The following HDAC4 variants were observed in gnomAD, a reference collection of about 807,000 sequenced individuals.
HDAC4 encodes the protein histone deacetylase 4, also known as histone deacetylase A.
HDAC4 carries 16 observed loss-of-function variants against 135.1 expected under a neutral mutation model. That is an observed-to-expected ratio of 0.12 (90% CI 0.08 to 0.18). The LOEUF is 0.18. Among genes scored for constraint, HDAC4 ranks in the 10% least tolerant of loss-of-function variants. HDAC4 has a pLI of 1.00. For missense variants in HDAC4, 1,143 were observed against 1,511.8 expected (o/e 0.76, Z 4.05); for synonymous variants, 685 against 653.4 (o/e 1.05, Z -0.74).
chr2:239,174,541 T>C (rs2043637806), intron 5 of HDAC4, among the ~76,000 whole-genome samples: 1 of 152,212 alleles, frequency 6.6e-6, no homozygotes, highest in Non-Finnish European at 1.5e-5. Flanking sequence ...CCCCTGTACA[T>C]GGCTGGTAGG....
intron 5 of HDAC4, among the ~76,000 whole-genome samples, chr2:239,171,918 A>C (rs1450063639): frequency 6.6e-6 from 1 of 152,198 alleles, no homozygotes; most frequent in African/African-American, 2.4e-5. Flanking sequence ...TTCAAAGATT[A>C]ACCTGAAATC....
At chr2:239,084,659 C>T (rs1159536100) in intron 19 of HDAC4, among the ~76,000 whole-genome samples, 3 of 150,670 alleles carry the variant, frequency 2.0e-5, no homozygotes, top group African/African-American at 7.4e-5. Flanking sequence ...CACACAGACA[C>T]ACACACCACA....
chr2:239,066,053 C>T (rs1445933864), intron 24 of HDAC4, among the ~76,000 whole-genome samples: 9 of 152,234 alleles, frequency 5.9e-5, no homozygotes, highest in Admixed American at 1.3e-4. Context: ...CACTGGCCCA[C>T]GCCTGGTGGA....
chr2:239,101,912 G>A (rs1300676300), intron 16 of HDAC4, among the ~76,000 whole-genome samples: 3 of 148,784 alleles, frequency 2.0e-5, no homozygotes, highest in African/African-American at 7.5e-5. Context: ...GGGAGCCCCC[G>A]GCCCCGGGTC....
intron 17 of HDAC4, chr2:239,093,865 A>G: frequency 1.1e-6 from 1 of 877,588 alleles, no homozygotes; most frequent in South Asian, 5.2e-5. Flanking sequence ...GGCCAAAAAC[A>G]TGCCCCAAAT....
chr2:239,381,374 G>GT (rs528161730), intron 1 of HDAC4, among the ~76,000 whole-genome samples: 102 of 151,728 alleles, frequency 6.7e-4, no homozygotes, highest in African/African-American at 2.2e-3. Context: ...CTGGGAAAAT[G>GT]TAAGTTCTGG....
intron 2 of HDAC4, among the ~76,000 whole-genome samples, chr2:239,283,887 TG>T (rs2050974087): frequency 6.6e-6 from 1 of 152,184 alleles, no homozygotes; most frequent in African/African-American, 2.4e-5. Context: ...CTGGGCTGAC[TG>T]GAGGGGCCAT....
intron 8 of HDAC4, among the ~76,000 whole-genome samples, chr2:239,140,204 A>G (rs1307632785): frequency 1.3e-5 from 2 of 152,216 alleles, no homozygotes; most frequent in Non-Finnish European, 2.9e-5. Flanking sequence ...AAATAAAGCA[A>G]CCTACTATTA....
chr2:239,111,365 G>T (rs1447730539), intron 14 of HDAC4, among the ~76,000 whole-genome samples, 161 bp downstream of exon 14: 2 of 152,136 alleles, frequency 1.3e-5, no homozygotes, highest in African/African-American at 4.8e-5. Flanking sequence ...CGGGGAGAGG[G>T]CCTCTGTGAC....
At chr2:239,158,154 C>T (rs1230057171) in intron 6 of HDAC4, among the ~76,000 whole-genome samples, 1 of 152,102 alleles carries the variant, frequency 6.6e-6, no homozygotes, top group African/African-American at 2.4e-5. Flanking sequence ...GTAGTTCTAC[C>T]CCTCGTCTCA....
chr2:239,062,031 G>T, intron 24 of HDAC4, among the ~76,000 whole-genome samples: 1 of 152,268 alleles, frequency 6.6e-6, no homozygotes, highest in Admixed American at 6.5e-5. Context: ...GTCTTTGATG[G>T]AAGTTGGCTG....
chr2:239,072,437 T>C (rs1203744455), intron 22 of HDAC4, among the ~76,000 whole-genome samples: 1 of 152,098 alleles, frequency 6.6e-6, no homozygotes, highest in Non-Finnish European at 1.5e-5. Context: ...TGTTTTAGGG[T>C]TTCACCACCG....
At chr2:239,137,573 A>G (rs964279911) in intron 9 of HDAC4, among the ~76,000 whole-genome samples, 1 of 151,990 alleles carries the variant, frequency 6.6e-6, no homozygotes, top group Non-Finnish European at 1.5e-5. Context: ...GTTTCTAGGG[A>G]CCCCAGGGTG....
Position 239,349,664 on chromosome 2 carries a change from G to A in HDAC4, c.22+3014C>T, listed in dbSNP as rs1330867954. On this transcript the variant is annotated intron_variant, in intron 2 of 26. Transcript: ENST00000543185. The surrounding 1 kb of genome is among the most constrained non-coding windows in gnomAD (Gnocchi z 5.7). ...AGAGGCCGCTGGGCCACCAGCCAGT[G>A]TGTGCAGGTGGTGGTATGCACGTGT... Among the ~76,000 whole-genome samples the A allele has an allele frequency of 6.6e-6, 1 of 152,262 alleles. No homozygotes were observed. The highest frequency in any genetic ancestry group is 1.5e-5 in the Non-Finnish European group (1 of 68,044).
At chr2:239,311,227 G>A (rs994175542) in intron 2 of HDAC4, among the ~76,000 whole-genome samples, 4 of 152,240 alleles carry the variant, frequency 2.6e-5, no homozygotes, top group Middle Eastern at 3.4e-3. Context: ...GGACGGCCTG[G>A]CCCCTTCCGA....
chr2:239,069,435 G>A (rs1350200725), intron 22 of HDAC4, among the ~76,000 whole-genome samples: 2 of 64,818 alleles, frequency 3.1e-5, no homozygotes, highest in South Asian at 7.1e-4. Flanking sequence ...CAAGCCCCAC[G>A]ACACTTGCTT....
At chr2:239,181,754 C>T (rs961521325) in intron 4 of HDAC4, among the ~76,000 whole-genome samples, 2 of 152,164 alleles carry the variant, frequency 1.3e-5, no homozygotes, top group Non-Finnish European at 2.9e-5. Context: ...TTAACCTCTC[C>T]GTGCTGGGTT....
At chr2:239,310,976 A>T (rs1442214817) in intron 2 of HDAC4, among the ~76,000 whole-genome samples, 1 of 152,234 alleles carries the variant, frequency 6.6e-6, no homozygotes, top group Non-Finnish European at 1.5e-5. Flanking sequence ...AAGCAAGAGC[A>T]GCGCCACAAT....
At chr2:239,202,501 G>A (rs757035265) in intron 3 of HDAC4, among the ~76,000 whole-genome samples, 13 of 152,170 alleles carry the variant, frequency 8.5e-5, no homozygotes, top group South Asian at 2.1e-4. Context: ...CTATCGGGGC[G>A]ACAGCAGGAT....
Sources: gnomAD v4.1 joint callset for allele counts (sites outside exome capture counted in the v4.1 genomes callset) on GRCh38, gnomAD v4.1.1 for gene constraint, Gnocchi (gnomAD v3.1) non-coding constraint, MANE v1.5 for transcripts, NCBI Gene and HGNC (gene_info 2026-07-23, HGNC 2026-07-21) for gene names.